EYA4: variants seen among roughly 807,000 people sequenced by gnomAD.
The protein encoded by EYA4 is EYA transcriptional coactivator and phosphatase 4, also known as protein phosphatase EYA4.
In EYA4, 31 loss-of-function variants were observed where a neutral mutation model predicts 87.9. That is an observed-to-expected ratio of 0.35 (90% CI 0.27 to 0.48). The LOEUF (loss-of-function observed/expected upper bound fraction) is 0.48. Among genes scored for constraint, EYA4 ranks in the 20% least tolerant of loss-of-function variants. The pLI is 0.99. For synonymous variants in EYA4, 263 were observed against 270.6 expected (o/e 0.97, Z 0.28); for missense variants, 678 against 761.4 (o/e 0.89, Z 1.29).
At chr6:133,321,538 A>T (rs985011294) in intron 2 of EYA4, among the ~76,000 whole-genome samples, 2 of 152,202 alleles carry the variant, frequency 1.3e-5, no homozygotes, top group African/African-American at 4.8e-5. Flanking sequence ...TGAGGGAGGA[A>T]GACAAGGAAC....
chr6:133,397,814 A>G (rs1787930667), intron 3 of EYA4, among the ~76,000 whole-genome samples: 1 of 152,198 alleles, frequency 6.6e-6, no homozygotes, highest in South Asian at 2.1e-4. Context: ...ACAAGAGAAG[A>G]GGGCTTGTGC....
intron 17 of EYA4, 63 bp downstream of exon 17, chr6:133,515,498 A>G (rs1799513118): frequency 2.0e-6 from 2 of 1,014,142 alleles, no homozygotes; most frequent in Middle Eastern, 2.0e-4. Context: ...ATTGTACAAC[A>G]TAGAAAAAAT....
At position 133,456,568 on chromosome 6, in the gene EYA4, C is replaced by T; in HGVS notation, c.290C>T (p.Ala97Val). ...TPSSATMSLL[A>V]VKTEPLNSSE... ...TTCTTCTACGTAGTGTCTCTTCTTG[C>T]AGTCAAAACAGAGCCCTTGAACAGC... The change falls in exon 6 of 20, where the codon GCA becomes GTA. Residue 97 changes from alanine (A) to valine (V), a missense_variant. Physicochemically the swap from Ala to Val is moderately conservative, Grantham distance 64. Transcript: ENST00000355286. 1 of 1,611,214 alleles carries T rather than the reference C, an allele frequency of 6.2e-7. No homozygotes were observed. The highest frequency in any genetic ancestry group is 8.5e-7 in the Non-Finnish European group (1 of 1,177,412).
chr6:133,408,863 A>G (rs931502068), intron 3 of EYA4, among the ~76,000 whole-genome samples: 4 of 152,188 alleles, frequency 2.6e-5, no homozygotes, highest in Admixed American at 2.6e-4. Context: ...GAGTGGTTCA[A>G]TGCTAATTTT....
chr6:133,259,664 T>C (rs1214916537), intron 1 of EYA4, among the ~76,000 whole-genome samples: 1 of 152,238 alleles, frequency 6.6e-6, no homozygotes, highest in Non-Finnish European at 1.5e-5. Context: ...ACATTCTTAA[T>C]TAGTATTCAC....
chr6:133,449,836 A>G (rs1793246213), intron 5 of EYA4, among the ~76,000 whole-genome samples: 1 of 152,156 alleles, frequency 6.6e-6, no homozygotes, highest in Non-Finnish European at 1.5e-5. Flanking sequence ...GTGTTAACAG[A>G]CTCCATTTGG....
chr6:133,450,293 A>G (rs367674337), intron 5 of EYA4, among the ~76,000 whole-genome samples: 3 of 152,186 alleles, frequency 2.0e-5, no homozygotes, highest in African/African-American at 7.2e-5. Flanking sequence ...CCAAATTTCA[A>G]TGACTTTTTA....
In EYA4 at chr6:133,244,987, A is replaced by G. The variant is rs185929800; in HGVS notation, c.-66+3238A>G. The G allele has an allele frequency of 3.9e-5, 6 of 152,306 alleles. No homozygotes were observed. The South Asian group carries it at 8.3e-4, about 21-fold the overall frequency. 9.4% of individuals were successfully genotyped at this position (152,306 alleles called of 1,614,324 possible). On this transcript the variant is annotated intron_variant, in intron 1 of 19. Coordinates refer to ENST00000355286, the MANE Select transcript of EYA4 (RefSeq NM_004100.5). ...CCCCACAAAAACTCACAGTTTTTATACAGATTTCAAGAAGAGGGGTGATAA... is the reference window on the plus strand; with the variant it reads ...CCCCACAAAAACTCACAGTTTTTATGCAGATTTCAAGAAGAGGGGTGATAA...
chr6:133,473,315 C>A (rs1358429001), intron 11 of EYA4, among the ~76,000 whole-genome samples: 1 of 152,002 alleles, frequency 6.6e-6, no homozygotes, highest in African/African-American at 2.4e-5. Flanking sequence ...GTGCTAGAAA[C>A]TGATATTTCA....
chr6:133,465,553 T>C (rs1794769771), intron 10 of EYA4, among the ~76,000 whole-genome samples: 1 of 152,140 alleles, frequency 6.6e-6, no homozygotes, highest in Non-Finnish European at 1.5e-5. Flanking sequence ...CCTGAATAAG[T>C]AAATCAGCTC....
At chr6:133,505,146 A>C in intron 13 of EYA4, among the ~76,000 whole-genome samples, 1 of 152,180 alleles carries the variant, frequency 6.6e-6, no homozygotes, top group Non-Finnish European at 1.5e-5. Flanking sequence ...ACCTATGAGC[A>C]GTTCTTCTTT....
intron 14 of EYA4, among the ~76,000 whole-genome samples, chr6:133,509,335 C>A (rs1798927428): frequency 1.3e-5 from 2 of 151,286 alleles, no homozygotes; most frequent in East Asian, 3.9e-4. Flanking sequence ...GAGAGTAACT[C>A]TAACATTAGC....
At chr6:133,283,204 G>A (rs1185148947) in intron 2 of EYA4, among the ~76,000 whole-genome samples, 1 of 151,978 alleles carries the variant, frequency 6.6e-6, no homozygotes, top group East Asian at 1.9e-4. Context: ...TGAGGCATGA[G>A]AATTGCTTGA....
At chr6:133,290,319 C>T (rs1037943127) in intron 2 of EYA4, among the ~76,000 whole-genome samples, 21 of 152,116 alleles carry the variant, frequency 1.4e-4, no homozygotes, top group African/African-American at 4.8e-4. Context: ...TTCAGTCCTC[C>T]ACCCTGACTT....
At chr6:133,488,862 GT>G (rs762763390) in intron 13 of EYA4, among the ~76,000 whole-genome samples, 114 of 152,128 alleles carry the variant, frequency 7.5e-4, no homozygotes, top group Non-Finnish European at 1.1e-3. Context: ...TCAGACACTG[GT>G]GGGCATCCAC....
chr6:133,413,537 C>G, intron 3 of EYA4, among the ~76,000 whole-genome samples: 1 of 151,194 alleles, frequency 6.6e-6, no homozygotes, highest in East Asian at 2.0e-4. Flanking sequence ...AAGACAGTAT[C>G]TTTCTGGCTT....
intron 3 of EYA4, among the ~76,000 whole-genome samples, chr6:133,396,969 A>G (rs1270881653): frequency 1.3e-5 from 2 of 152,182 alleles, no homozygotes; most frequent in Non-Finnish European, 1.5e-5. Context: ...TCAGAGGAAG[A>G]TACTGTGTAT....
At chr6:133,481,981 A>AAAAG (rs1275737922) in intron 12 of EYA4, among the ~76,000 whole-genome samples, 2 of 152,228 alleles carry the variant, frequency 1.3e-5, no homozygotes, top group Non-Finnish European at 2.9e-5. Context: ...ATTAAGTTTA[A>AAAAG]AAAGATGAAA....
chr6:133,340,691 C>T (rs1444283471), intron 2 of EYA4, among the ~76,000 whole-genome samples: 3 of 152,084 alleles, frequency 2.0e-5, no homozygotes, highest in Non-Finnish European at 2.9e-5. Flanking sequence ...GAGAGGGACT[C>T]GAAGCTGAGG....
Sources: allele counts gnomAD v4.1 joint callset (sites outside exome capture counted in the v4.1 genomes callset), GRCh38; gene constraint gnomAD v4.1.1; transcripts MANE v1.5; gene names NCBI Gene and HGNC (gene_info 2026-07-23, HGNC 2026-07-21).